The following IL1RAPL1 variants were observed in gnomAD, a reference collection of about 807,000 sequenced individuals.
IL1RAPL1 encodes interleukin 1 receptor accessory protein like 1.
A neutral mutation model predicts 48.4 loss-of-function variants in IL1RAPL1; 3 were observed. That is an observed-to-expected ratio of 0.06 (90% confidence interval 0.03 to 0.16). The LOEUF (loss-of-function observed/expected upper bound fraction) is 0.16, where lower values mean the gene tolerates loss of function less well. Ranked by LOEUF, IL1RAPL1 falls within the 10% of genes least tolerant of loss-of-function variation. The probability of loss-of-function intolerance (pLI) is 1.00; values close to 1 mark genes in which losing one functional copy is unlikely to be tolerated. For missense variants in IL1RAPL1, 349 were observed against 530.6 expected, an observed-to-expected ratio of 0.66 and a Z score of 3.36; for synonymous variants, 185 against 187.7, an observed-to-expected ratio of 0.99 and a Z score of 0.12.
chrX:28,967,212 T>C (rs1168812395), intron 2 of IL1RAPL1, among the ~76,000 whole-genome samples: 1 of 111,631 alleles, frequency 9.0e-6, no homozygotes, highest in Non-Finnish European at 1.9e-5. Flanking sequence ...AAAGATCACT[T>C]GGTAGCTCCA....
chrX:29,789,927 G>A (rs764234712), intron 6 of IL1RAPL1, among the ~76,000 whole-genome samples: 3 of 110,202 alleles, frequency 2.7e-5, no homozygotes, highest in African/African-American at 9.8e-5. Context: ...ATAATATTAT[G>A]CAAGCTTTTC....
At chrX:29,221,850 A>G (rs982658443) in intron 2 of IL1RAPL1, among the ~76,000 whole-genome samples, 5 of 109,318 alleles carry the variant, frequency 4.6e-5, no homozygotes, top group African/African-American at 1.3e-4. Context: ...ATCTCTACTA[A>G]AAGTACAAAA....
At chrX:28,636,322 C>G (rs1033225055) in intron 1 of IL1RAPL1, among the ~76,000 whole-genome samples, 10 of 111,629 alleles carry the variant, frequency 9.0e-5, no homozygotes, top group African/African-American at 3.2e-4. Context: ...GTGAGCAAAC[C>G]ACCACAGAAC....
At chrX:28,873,400 C>T (rs897111427) in intron 2 of IL1RAPL1, among the ~76,000 whole-genome samples, 3 of 108,683 alleles carry the variant, frequency 2.8e-5, no homozygotes, top group Non-Finnish European at 3.8e-5. Flanking sequence ...CGCGAGCCAC[C>T]GAGCCCGGCC....
chrX:29,188,615 C>T (rs1418540401), intron 2 of IL1RAPL1, among the ~76,000 whole-genome samples: 1 of 77,742 alleles, frequency 1.3e-5, no homozygotes, highest in African/African-American at 5.1e-5. Flanking sequence ...GAGATGGAGT[C>T]TTGCTCTGTT....
Position 29,050,848 on chromosome X carries a change from A to G in IL1RAPL1, c.83-232090A>G, listed in dbSNP as rs984208677. On this transcript the variant is annotated intron_variant, in intron 2 of 10. Coordinates refer to ENST00000378993, the MANE Select transcript of IL1RAPL1 (RefSeq NM_014271.4). ...AGGAGAAAGTGCTCATTTGAATCTG[A>G]AAAGCAATCCATGTACAAAGGAAGA... 3.6e-5 allele frequency among the ~76,000 whole-genome samples: 4 copies of G among 112,227 alleles called. No homozygotes were observed. In the Admixed American group the frequency reaches 3.8e-4, roughly 11 times the overall value.
intron 1 of IL1RAPL1, among the ~76,000 whole-genome samples, chrX:28,768,981 A>G (rs1446408577): frequency 9.3e-6 from 1 of 107,472 alleles, no homozygotes; most frequent in Non-Finnish European, 1.9e-5. Context: ...TAAGAAATCA[A>G]GAAATGATCA....
intron 6 of IL1RAPL1, among the ~76,000 whole-genome samples, chrX:29,871,619 TTTCCTATTTATGA>T (rs1432436214): frequency 8.9e-6 from 1 of 112,682 alleles, no homozygotes; most frequent in Non-Finnish European, 1.9e-5. Context: ...GAAGGGAAGC[TTTCCTATTTATGA>T]TTCCTATTTA....
At chrX:29,307,529 G>A (rs1171835979) in intron 3 of IL1RAPL1, among the ~76,000 whole-genome samples, 1 of 111,979 alleles carries the variant, frequency 8.9e-6, no homozygotes, top group Non-Finnish European at 1.9e-5. Context: ...CAGGAAGTGT[G>A]AATTGGAACT....
chrX:29,148,167 A>G (rs1363512014), intron 2 of IL1RAPL1, among the ~76,000 whole-genome samples: 1 of 112,148 alleles, frequency 8.9e-6, no homozygotes, highest in East Asian at 2.8e-4. Flanking sequence ...ACATACATAT[A>G]TAGTCTATAC....
At chrX:29,594,709 T>A (rs753221358) in intron 5 of IL1RAPL1, among the ~76,000 whole-genome samples, 63 of 111,802 alleles carry the variant, frequency 5.6e-4, no homozygotes, top group Non-Finnish European at 1.1e-3. Flanking sequence ...GGGGATTTTT[T>A]ATTTGTATTT....
At chrX:29,052,023 C>T (rs1417848980) in intron 2 of IL1RAPL1, among the ~76,000 whole-genome samples, 3 of 111,775 alleles carry the variant, frequency 2.7e-5, no homozygotes, top group Non-Finnish European at 3.8e-5. Flanking sequence ...CTATGGACAC[C>T]TTCCATATAT....
chrX:29,108,424 G>A (rs755579592), intron 2 of IL1RAPL1, among the ~76,000 whole-genome samples: 1 of 110,335 alleles, frequency 9.1e-6, no homozygotes. Context: ...TTTTTGAGAC[G>A]GAGTTTCACT....
intron 6 of IL1RAPL1, among the ~76,000 whole-genome samples, chrX:29,804,344 G>A (rs369251633): frequency 9.0e-6 from 1 of 110,972 alleles, no homozygotes; most frequent in East Asian, 2.8e-4. Flanking sequence ...CTATTTTTAA[G>A]TTTTATGCTG....
chrX:29,754,136 G>A lies in IL1RAPL1; in HGVS notation c.778+85632G>A, dbSNP rs144911483. On this transcript the variant is annotated intron_variant, in intron 6 of 10. Transcript: ENST00000378993. Reference sequence around the variant, plus strand: ...TGGAAAATTCTACTCCTTCAAGTGCGTTTACTGCTTTTCATATATTCTTTA... The same window carrying A: ...TGGAAAATTCTACTCCTTCAAGTGCATTTACTGCTTTTCATATATTCTTTA... Among the ~76,000 whole-genome samples the A allele has an allele frequency of 9.9e-5, 11 of 111,487 alleles. No homozygotes were observed. The East Asian group carries it at 2.3e-3, about 23-fold the overall frequency.
intron 2 of IL1RAPL1, among the ~76,000 whole-genome samples, chrX:29,077,703 A>C (rs1012713904): frequency 1.8e-5 from 2 of 111,918 alleles, no homozygotes; most frequent in African/African-American, 6.5e-5. Flanking sequence ...GTGAGAGCAT[A>C]TGAAAGCCAA....
chrX:29,758,695 CA>C (rs1164955874), intron 6 of IL1RAPL1, among the ~76,000 whole-genome samples: 1,503 of 95,042 alleles, frequency 0.016, 23 homozygotes, highest in African/African-American at 0.044. Context: ...AAACTCTTCT[CA>C]AAAAAAAAAA....
At chrX:29,686,882 A>T (rs1020079806) in intron 6 of IL1RAPL1, among the ~76,000 whole-genome samples, 4 of 110,272 alleles carry the variant, frequency 3.6e-5, no homozygotes, top group African/African-American at 1.3e-4. Flanking sequence ...TTACATCTGG[A>T]AGGGAAGCTG....
intron 5 of IL1RAPL1, among the ~76,000 whole-genome samples, chrX:29,597,479 T>A (rs892284819): frequency 1.8e-5 from 2 of 111,913 alleles, no homozygotes; most frequent in Non-Finnish European, 3.8e-5. Flanking sequence ...CATCTATGTT[T>A]ATCACGGATA....
Sources: gnomAD v4.1 joint callset for allele counts (sites outside exome capture counted in the v4.1 genomes callset) on GRCh38, gnomAD v4.1.1 for gene constraint, MANE v1.5 for transcripts, NCBI Gene and HGNC (gene_info 2026-07-23, HGNC 2026-07-21) for gene names.